Variants in BAIAP2 observed in about 807,000 individuals in gnomAD.
BAIAP2 encodes the protein BAR/IMD domain containing adaptor protein 2, also known as BAR/IMD domain-containing adapter protein 2.
Under a neutral mutation model 63.0 loss-of-function variants are expected in BAIAP2, and 18 were observed. The ratio of observed to expected loss-of-function variants is 0.29; its 90% CI spans 0.20 to 0.42. BAIAP2 has a LOEUF of 0.42. Ranked by LOEUF, BAIAP2 falls within the 10% of genes least tolerant of loss-of-function variation. BAIAP2 has a pLI of 1.00. For synonymous variants in BAIAP2, 386 were observed against 307.6 expected (o/e 1.25, Z -2.67); for missense variants, 610 against 734.3 (o/e 0.83, Z 1.96).
intron 3 of BAIAP2, 132 bp downstream of exon 3, chr17:81,058,099 G>T: frequency 5.3e-6 from 4 of 755,636 alleles, no homozygotes; most frequent in Non-Finnish European, 8.2e-6. Context: ...ATATTTTAAT[G>T]ACAGTCACCC....
chr17:81,053,767 G>T (rs368138908), intron 2 of BAIAP2, 24 bp downstream of exon 2: 4 of 1,607,210 alleles, frequency 2.5e-6, no homozygotes, highest in East Asian at 2.2e-5. Flanking sequence ...CGGGCCCCGT[G>T]GGGTGGGAGC....
intron 3 of BAIAP2, among the ~76,000 whole-genome samples, chr17:81,059,537 T>G (rs1423290866): frequency 6.6e-6 from 1 of 152,192 alleles, no homozygotes; most frequent in Non-Finnish European, 1.5e-5. Flanking sequence ...CTTGAACTCA[T>G]GGGCTCAAGT....
chr17:81,040,180 T>C (rs1216800582), intron 1 of BAIAP2, among the ~76,000 whole-genome samples: 1 of 152,106 alleles, frequency 6.6e-6, no homozygotes, highest in African/African-American at 2.4e-5. Flanking sequence ...TGAGCCAGAG[T>C]CTGCCCTGTG....
chr17:81,054,730 T>A (rs906785643), intron 2 of BAIAP2, among the ~76,000 whole-genome samples: 1 of 152,056 alleles, frequency 6.6e-6, no homozygotes, highest in African/African-American at 2.4e-5. Flanking sequence ...GCAGGGACAT[T>A]CCATTCTTCC....
chr17:81,116,148 A>C lies in BAIAP2; in HGVS notation c.*309A>C, dbSNP rs1434372385. On this transcript the variant is annotated 3_prime_UTR_variant, in exon 14 of 14. Coordinates refer to ENST00000428708, the MANE Select transcript of BAIAP2 (RefSeq NM_001144888.2). ...GGGTACCCCTGAGTTAAGGGAGGACATTTGGCCAGCTGGTGGCTGGGAGGG... is the reference window on the plus strand; with the variant it reads ...GGGTACCCCTGAGTTAAGGGAGGACCTTTGGCCAGCTGGTGGCTGGGAGGG... The C allele has an allele frequency of 6.3e-7, 1 of 1,599,816 alleles. No individual in the cohort carries two copies. Among genetic ancestry groups the C allele is most frequent in the Non-Finnish European group, 8.5e-7 (1 of 1,173,604 alleles).
chr17:81,044,864 G>T lies in BAIAP2; in HGVS notation c.55-8804G>T, dbSNP rs566589556. 2.6e-5 allele frequency among the ~76,000 whole-genome samples: 4 copies of T among 152,364 alleles called. No homozygotes were observed. In the South Asian group the frequency reaches 8.3e-4, roughly 32 times the overall value. On this transcript the variant is annotated intron_variant, in intron 1 of 13. Transcript: ENST00000428708. ...CGCCAGCTCAGTGCTGGCCACAGGC[G>T]AAAGGCAGCCGGAATGCACCGTCCC...
At chr17:81,105,684 GA>G (rs1467268799) in intron 10 of BAIAP2, 1 of 206,198 alleles carries the variant, frequency 4.8e-6, no homozygotes, top group Non-Finnish European at 1.0e-5. Flanking sequence ...TCACTCTGAG[GA>G]GGGGGCCGAG....
chr17:81,098,836 G>A (rs895004064), intron 6 of BAIAP2, among the ~76,000 whole-genome samples: 7 of 152,252 alleles, frequency 4.6e-5, no homozygotes, highest in African/African-American at 1.2e-4. Flanking sequence ...TCAGGGTGGG[G>A]ACCGCCTGCT....
At chr17:81,106,621 TGA>T in intron 11 of BAIAP2, 122 bp from the exon 12 acceptor site, 1 of 1,180,438 alleles carries the variant, frequency 8.5e-7, no homozygotes, top group Non-Finnish European at 1.2e-6. Context: ...CGCCTTGGCC[TGA>T]GAGCAGCCTC....
At chr17:81,108,155 G>C (rs553031803) in intron 12 of BAIAP2, 30 of 448,018 alleles carry the variant, frequency 6.7e-5, no homozygotes, top group Non-Finnish European at 6.4e-5. Flanking sequence ...CGGGGGCCTC[G>C]GCTCCCTGGG....
At chr17:81,098,017 C>G in intron 6 of BAIAP2, 1 of 1,000,526 alleles carries the variant, frequency 1.0e-6, no homozygotes, top group Non-Finnish European at 1.3e-6. Flanking sequence ...CGGGTGTCAG[C>G]TGTGCCATAG....
intron 1 of BAIAP2, 135 bp from the exon 2 acceptor site, chr17:81,053,533 G>T: frequency 1.1e-6 from 1 of 880,644 alleles, no homozygotes; most frequent in Non-Finnish European, 1.8e-6. Context: ...AACTTGGGAA[G>T]CCCACCTTGA....
At chr17:81,059,127 C>T (rs1289253649) in intron 3 of BAIAP2, among the ~76,000 whole-genome samples, 1 of 152,188 alleles carries the variant, frequency 6.6e-6, no homozygotes, top group Non-Finnish European at 1.5e-5. Flanking sequence ...ATCGGAGCCC[C>T]CCCCCCACGC....
chr17:81,071,347 C>T (rs904803433), intron 3 of BAIAP2, among the ~76,000 whole-genome samples: 1 of 152,138 alleles, frequency 6.6e-6, no homozygotes, highest in Non-Finnish European at 1.5e-5. Context: ...GGCCATCTGT[C>T]CTTCCCCGTG....
At chr17:81,061,250 TATCTG>T (rs1268975965) in intron 3 of BAIAP2, among the ~76,000 whole-genome samples, 3 of 152,266 alleles carry the variant, frequency 2.0e-5, no homozygotes, top group Non-Finnish European at 4.4e-5. Context: ...TGTACGGTGT[TATCTG>T]ATGATATAAA....
chr17:81,043,315 A>G (rs2047342359), intron 1 of BAIAP2, among the ~76,000 whole-genome samples: 1 of 151,998 alleles, frequency 6.6e-6, no homozygotes, highest in South Asian at 2.1e-4. Context: ...GTCCATCTCC[A>G]TTTGCCCCAC....
intron 6 of BAIAP2, among the ~76,000 whole-genome samples, chr17:81,096,263 C>T (rs1343232958): frequency 6.6e-6 from 1 of 152,224 alleles, no homozygotes; most frequent in Non-Finnish European, 1.5e-5. Flanking sequence ...GAGCTCTCTG[C>T]CCACCATGCT....
Position 81,099,969 on chromosome 17 carries a change from T to C in BAIAP2, c.531T>C (p.Asn177=). ...AISNKQGELE[N]YVSDGYKTAL... ...GCAACAAGCAGGGCGAGCTGGAGAA[T>C]TACGTGTCCGACGGCTACAAGACCG... The change falls in exon 7 of 14, where the codon AAT becomes AAC. Residue 177 remains asparagine (N), a synonymous_variant. Coordinates refer to ENST00000428708, the MANE Select transcript of BAIAP2 (RefSeq NM_001144888.2). The C allele has an allele frequency of 6.2e-7, 1 of 1,613,458 alleles. No individual in the cohort carries two copies. The highest frequency in any genetic ancestry group is 8.5e-7 in the Non-Finnish European group (1 of 1,179,956).
Position 81,046,953 on chromosome 17 carries a change from A to C in BAIAP2, c.55-6715A>C, listed in dbSNP as rs1040693710. Among the ~76,000 whole-genome samples, 1 of 152,076 alleles carries C rather than the reference A, an allele frequency of 6.6e-6. No individual in the cohort carries two copies. Among genetic ancestry groups the C allele is most frequent in the Non-Finnish European group, 1.5e-5 (1 of 67,996 alleles). ...TGGCACTGCCGGCCCCGCAGCTGCC[A>C]CCGGCTTCTGCCTGTCGCGACAGAG... On this transcript the variant is annotated intron_variant, in intron 1 of 13. Transcript: ENST00000428708. The surrounding 1 kb of genome is among the most constrained non-coding windows in gnomAD (Gnocchi z 4.5).
Sources: gnomAD v4.1 joint callset for allele counts (sites outside exome capture counted in the v4.1 genomes callset) on GRCh38, gnomAD v4.1.1 for gene constraint, Gnocchi (gnomAD v3.1) non-coding constraint, MANE v1.5 for transcripts, NCBI Gene and HGNC (gene_info 2026-07-23, HGNC 2026-07-21) for gene names.